Variants in EDAR observed in about 807,000 individuals in gnomAD.
EDAR encodes ectodysplasin A receptor, also known as tumor necrosis factor receptor superfamily member EDAR.
In EDAR, 38 loss-of-function variants were observed where a neutral mutation model predicts 51.3. The observed-to-expected ratio is 0.74, with a 90% CI of 0.57 to 0.97. EDAR has a LOEUF of 0.97. Ranked by LOEUF, EDAR falls within the 50% of genes least tolerant of loss-of-function variation. The pLI, the probability that EDAR is intolerant of heterozygous loss-of-function variation, is 0.00. For synonymous variants in EDAR, 227 were observed against 242.1 expected, an observed-to-expected ratio of 0.94 and a Z score of 0.58; for missense variants, 528 against 595.0, an observed-to-expected ratio of 0.89 and a Z score of 1.17.
rs111801486 is a variant in EDAR, at chr2:108,929,340, C to G, written c.214G>C (p.Val72Leu). ...GAAAACTTCTCCGCCGGGCAGGGGA[C>G]GCAGCCGTAGTCCTCGTCTTTGGTG... ...YGTKDEDYGC[V>L]PCPAEKFSKG... Residue 72 changes from valine (V) to leucine (L), a missense_variant, in exon 4 of 12, where the codon GTC becomes CTC. Physicochemically the swap from Val to Leu is conservative, Grantham distance 32. Coordinates refer to ENST00000258443, the MANE Select transcript of EDAR (RefSeq NM_022336.4). 3.2e-5 allele frequency: 51 copies of G among 1,614,022 alleles called. No homozygotes were observed. The highest frequency in any genetic ancestry group is 4.3e-5 in the Non-Finnish European group (51 of 1,180,042).
intron 1 of EDAR, among the ~76,000 whole-genome samples, chr2:108,941,936 T>C (rs879560855): frequency 6.6e-5 from 10 of 152,334 alleles, no homozygotes; most frequent in Non-Finnish European, 1.0e-4. Context: ...AAAGCTCTGC[T>C]GCACAGAGAG....
intron 1 of EDAR, among the ~76,000 whole-genome samples, chr2:108,944,786 G>C (rs1186726040): frequency 6.6e-6 from 1 of 152,132 alleles, no homozygotes; most frequent in Admixed American, 6.5e-5. Context: ...TGAGGTCACA[G>C]AGTCAAGGGA....
intron 1 of EDAR, among the ~76,000 whole-genome samples, chr2:108,973,674 T>G (rs957156855): frequency 6.6e-6 from 1 of 152,266 alleles, no homozygotes; most frequent in South Asian, 2.1e-4. Flanking sequence ...CTAGAACCCA[T>G]GCCACACATG....
At chr2:108,930,297 C>A in intron 2 of EDAR, 55 bp from the exon 3 acceptor site, 1 of 1,612,584 alleles carries the variant, frequency 6.2e-7, no homozygotes, top group Non-Finnish European at 8.5e-7. Context: ...ACACATGTGA[C>A]TCCTGCAAGA....
chr2:108,974,171 A>C (rs941709246), intron 1 of EDAR, among the ~76,000 whole-genome samples: 1 of 150,228 alleles, frequency 6.7e-6, no homozygotes, highest in Non-Finnish European at 1.5e-5. Context: ...CTACTAAAAA[A>C]TACAAAAAAT....
chr2:108,902,988 T>C (rs1696730127), intron 11 of EDAR, among the ~76,000 whole-genome samples: 1 of 152,190 alleles, frequency 6.6e-6, no homozygotes, highest in Non-Finnish European at 1.5e-5. Context: ...TGATTATCTA[T>C]GTAGAAAATC....
intron 5 of EDAR, among the ~76,000 whole-genome samples, chr2:108,915,518 C>CT (rs1191676518): frequency 6.6e-6 from 1 of 152,184 alleles, no homozygotes; most frequent in East Asian, 1.9e-4. Context: ...TGAATGGAGG[C>CT]TTTTTTCCTC....
rs150453017 is a variant in EDAR at position 108,930,139 on chromosome 2, G to T, written c.155C>A (p.Pro52Gln). 3 of 1,613,872 alleles carry T rather than the reference G, an allele frequency of 1.9e-6. No individual in the cohort carries two copies. In the Admixed American group the frequency reaches 5.0e-5, roughly 27 times the overall value. ...GLCQECPPCG[P>Q]GEEPYLSCGY... ...CCTTACCAGGTAGGGCTCCTCTCCC[G>T]GCCCACACGGGGGGCACTCCTGGCA... Residue 52 changes from proline (P) to glutamine (Q), a missense_variant, in exon 3 of 12, where the codon CCG becomes CAG. Coordinates refer to ENST00000258443, the MANE Select transcript of EDAR (RefSeq NM_022336.4).
chr2:108,964,217 G>A (rs566995472), intron 1 of EDAR, among the ~76,000 whole-genome samples: 2 of 152,284 alleles, frequency 1.3e-5, no homozygotes, highest in African/African-American at 2.4e-5. Context: ...TATAGATGGG[G>A]CACGTTTTTT....
At chr2:108,930,060 G>C in intron 3 of EDAR, 60 bp downstream of exon 3, 1 of 1,564,548 alleles carries the variant, frequency 6.4e-7, no homozygotes, top group African/African-American at 1.3e-5. Flanking sequence ...GGGCAACAAT[G>C]CCACAAGCAG....
At chr2:108,959,328 T>C (rs1371482687) in intron 1 of EDAR, among the ~76,000 whole-genome samples, 1 of 152,176 alleles carries the variant, frequency 6.6e-6, no homozygotes, top group East Asian at 1.9e-4. Flanking sequence ...GACCTGGTGT[T>C]GGAGATTTGT....
At chr2:108,898,398 T>G (rs1574363048) in intron 11 of EDAR, among the ~76,000 whole-genome samples, 3 of 152,168 alleles carry the variant, frequency 2.0e-5, no homozygotes, top group African/African-American at 7.2e-5. Context: ...AGTGGGGAAT[T>G]TGGATGTCTA....
At chr2:108,986,645 T>G (rs1320782348) in intron 1 of EDAR, among the ~76,000 whole-genome samples, 1 of 152,198 alleles carries the variant, frequency 6.6e-6, no homozygotes, top group Non-Finnish European at 1.5e-5. Context: ...CTCAATTTCC[T>G]TATTGGGAAA....
At chr2:108,898,999 A>G (rs1696653147) in intron 11 of EDAR, among the ~76,000 whole-genome samples, 1 of 152,206 alleles carries the variant, frequency 6.6e-6, no homozygotes. Flanking sequence ...GTGGGACTAA[A>G]TAAATACTCA....
chr2:108,908,517 C>T lies in EDAR; in HGVS notation c.804-498G>A, dbSNP rs184471687. The stretch of plus-strand genomic sequence containing the variant: ...TGGAGCCTTGTGCCTGGAAAGCCCC[C>T]TCTTGACTAGGGGGGTGACCTGGCT... On this transcript the variant is annotated intron_variant, in intron 9 of 11. Transcript: ENST00000258443. Among the ~76,000 whole-genome samples the T allele has an allele frequency of 4.3e-4, 66 of 152,256 alleles. No individual in the cohort carries two copies. In the East Asian group the frequency reaches 0.012, roughly 28 times the overall value.
chr2:108,978,462 C>T (rs1417625154), intron 1 of EDAR, among the ~76,000 whole-genome samples: 1 of 152,140 alleles, frequency 6.6e-6, no homozygotes, highest in Non-Finnish European at 1.5e-5. Context: ...TTGTTAGACG[C>T]CTCAAGAGTT....
At chr2:108,906,029 C>T (rs970045774) in intron 11 of EDAR, among the ~76,000 whole-genome samples, 4 of 146,210 alleles carry the variant, frequency 2.7e-5, no homozygotes, top group East Asian at 1.9e-4. Flanking sequence ...TGCTGCTCAC[C>T]GACCCTGCGT....
intron 5 of EDAR, among the ~76,000 whole-genome samples, chr2:108,913,115 A>AT (rs1318937888): frequency 1.3e-5 from 2 of 151,370 alleles, no homozygotes; most frequent in Admixed American, 6.6e-5. Context: ...CACCTGGCTA[A>AT]TTTTTTTGTA....
chr2:108,914,962 G>C (rs1372462424), intron 5 of EDAR, among the ~76,000 whole-genome samples: 8 of 152,228 alleles, frequency 5.3e-5, no homozygotes, highest in African/African-American at 1.9e-4. Flanking sequence ...ACCCAGGCTG[G>C]AGTGCAGTGG....
Sources: allele counts gnomAD v4.1 joint callset (sites outside exome capture counted in the v4.1 genomes callset), GRCh38; gene constraint gnomAD v4.1.1; transcripts MANE v1.5; gene names NCBI Gene and HGNC (gene_info 2026-07-23, HGNC 2026-07-21).